Variants in ZNF101 observed in about 807,000 individuals in gnomAD.
ZNF101 encodes the protein zinc finger protein 101 (Y2).
A neutral mutation model predicts 42.6 loss-of-function variants in ZNF101; 34 were observed. That is an observed-to-expected ratio of 0.80 (90% CI 0.61 to 1.06). The LOEUF is 1.06. ZNF101 is among the 50% of genes least tolerant of loss of function. ZNF101 has a pLI of 0.00. For synonymous variants in ZNF101, 158 were observed against 183.9 expected, an observed-to-expected ratio of 0.86 and a Z score of 1.14; for missense variants, 466 against 530.9, an observed-to-expected ratio of 0.88 and a Z score of 1.20.
intron 1 of ZNF101, among the ~76,000 whole-genome samples, chr19:19,673,101 C>G (rs1056748277): frequency 6.6e-6 from 1 of 151,884 alleles, no homozygotes; most frequent in Non-Finnish European, 1.5e-5. Flanking sequence ...CATGCCACCA[C>G]GCCTGGCTAA....
intron 1 of ZNF101, among the ~76,000 whole-genome samples, chr19:19,674,219 C>T (rs530335531): frequency 6.6e-6 from 1 of 152,156 alleles, no homozygotes; most frequent in South Asian, 2.1e-4. Context: ...CTCTGTTGCC[C>T]AGACTGGAGT....
intron 1 of ZNF101, among the ~76,000 whole-genome samples, chr19:19,674,743 T>G (rs2062191660): frequency 6.6e-6 from 1 of 152,214 alleles, no homozygotes; most frequent in African/African-American, 2.4e-5. Flanking sequence ...ATAGCAATTC[T>G]TTTTTAAATT....
intron 1 of ZNF101, among the ~76,000 whole-genome samples, chr19:19,674,254 G>A (rs1184693095): frequency 2.0e-5 from 3 of 152,122 alleles, no homozygotes; most frequent in Admixed American, 2.0e-4. Flanking sequence ...TCAGCTCACT[G>A]CAACCTCTGC....
At chr19:19,674,409 C>G (rs900453876) in intron 1 of ZNF101, among the ~76,000 whole-genome samples, 1 of 152,156 alleles carries the variant, frequency 6.6e-6, no homozygotes, top group Non-Finnish European at 1.5e-5. Context: ...CTTCTCACCT[C>G]AAGTGATCTA....
intron 1 of ZNF101, among the ~76,000 whole-genome samples, chr19:19,675,233 G>T (rs551962486): frequency 2.6e-5 from 4 of 152,238 alleles, no homozygotes; most frequent in Non-Finnish European, 5.9e-5. Flanking sequence ...CGCCTCCCGG[G>T]TTCATGGGAT....
chr19:19,674,649 CT>C (rs2145050179), intron 1 of ZNF101, among the ~76,000 whole-genome samples: 1 of 152,044 alleles, frequency 6.6e-6, no homozygotes, highest in South Asian at 2.1e-4. Context: ...TAGTGTCTGT[CT>C]TTGGTGTCAG....
chr19:19,680,057 T>TA lies in ZNF101; in HGVS notation c.1075dup (p.Thr359AsnfsTer3), dbSNP rs769830038. The TA allele has an allele frequency of 6.2e-7, 1 of 1,613,818 alleles. No homozygotes were observed. The highest frequency in any genetic ancestry group is 2.2e-5 in the East Asian group (1 of 44,878). On this transcript the variant is annotated frameshift_variant, in exon 4 of 4. Transcript: ENST00000592502. LOFTEE classifies it high-confidence loss of function. The stretch of plus-strand genomic sequence containing the variant: ...ATTATCCCAGTTGTTTTCGAAGACA[T>TA]AAAAAAACTCATAGTGGAGAAAAGC...
At chr19:19,670,507 AGCACTTTGGGAG>A (rs2062161851) in intron 1 of ZNF101, among the ~76,000 whole-genome samples, 1 of 152,238 alleles carries the variant, frequency 6.6e-6, no homozygotes, top group Admixed American at 6.5e-5. Flanking sequence ...CTGTAATTCC[AGCACTTTGGGAG>A]GCTGGGGCGG....
At chr19:19,678,815 G>A (rs1268657129) in intron 3 of ZNF101, 29 bp downstream of exon 3, 4 of 1,571,212 alleles carry the variant, frequency 2.5e-6, no homozygotes, top group African/African-American at 1.4e-5. Context: ...AGGAAGCAGT[G>A]TCTCTTGAGG....
rs963288811 is a variant in ZNF101 at position 19,681,804 on chromosome 19, T to C, written c.*1504T>C. On this transcript the variant is annotated 3_prime_UTR_variant, in exon 4 of 4. Transcript: ENST00000592502. The stretch of plus-strand genomic sequence containing the variant: ...AAAGAAATCCTATAAACGTAAGTAA[T>C]TTTGAAAGCCTGATGCAAATTAATT... The C allele has an allele frequency of 6.6e-6, 1 of 152,078 alleles. No homozygotes were observed. The highest frequency in any genetic ancestry group is 1.5e-5 in the Non-Finnish European group (1 of 68,020). The allele number at this position is 152,078 out of a possible 1,614,324, so 9.4% of individuals were successfully genotyped here.
rs2062242161 is a variant in ZNF101 at position 19,681,932 on chromosome 19, T to TC, written c.*1632_*1633insC. ...CATTCTTTTTTCTTTCTTTTTTTTT[T>TC]TTTTTTTTGAGATGGAGTTTTGCCC... On this transcript the variant is annotated 3_prime_UTR_variant, in exon 4 of 4. Coordinates refer to ENST00000592502, the MANE Select transcript of ZNF101 (RefSeq NM_033204.4). 2 of 149,268 alleles carry TC rather than the reference T, an allele frequency of 1.3e-5. No homozygotes were observed. Among genetic ancestry groups the TC allele is most frequent in the African/African-American group, 4.9e-5 (2 of 40,812 alleles). 9.2% of individuals were successfully genotyped at this position (149,268 alleles called of 1,614,324 possible).
chr19:19,676,534 A>G (rs2062203911), intron 1 of ZNF101: 1 of 152,164 alleles, frequency 6.6e-6, no homozygotes, highest in South Asian at 2.1e-4. Context: ...TCCACCTGCT[A>G]TTCAGAAGGC....
At position 19,683,199 on chromosome 19, in the gene ZNF101, T is replaced by C. The variant is rs1043622411; in HGVS notation, c.*2899T>C. On this transcript the variant is annotated 3_prime_UTR_variant, in exon 4 of 4. Transcript: ENST00000592502. ...ATATGTATTCCACTTTCCTTTATTA[T>C]GGGGAAAACTACTCTTTTTGGCATG... 1.3e-5 allele frequency: 2 copies of C among 152,194 alleles called. No homozygotes were observed. Among genetic ancestry groups the C allele is most frequent in the African/African-American group, 4.8e-5 (2 of 41,464 alleles). 9.4% of individuals were successfully genotyped at this position (152,194 alleles called of 1,614,324 possible). A position where few individuals can be genotyped will look rare whatever the true frequency, so the allele number is the denominator to read the frequency against.
At chr19:19,668,501 T>G, upstream of ZNF101, among the ~76,000 whole-genome samples, 1 of 149,026 alleles carries the variant, frequency 6.7e-6, no homozygotes, top group African/African-American at 2.5e-5. Context: ...CCGGGGGGAG[T>G]TGTGTGGCGG....
upstream of ZNF101, chr19:19,668,827 C>A: frequency 8.6e-7 from 1 of 1,165,384 alleles, no homozygotes; most frequent in Non-Finnish European, 1.2e-6. Context: ...TCTCATTTCC[C>A]GCCGGCCCCC....
intron 1 of ZNF101, among the ~76,000 whole-genome samples, chr19:19,669,617 C>T (rs2145040762): frequency 6.6e-6 from 1 of 152,272 alleles, no homozygotes; most frequent in Non-Finnish European, 1.5e-5. Flanking sequence ...CCTCAGCCTC[C>T]TGAGTAGCTG....
chr19:19,668,999 G>A, intron 1 of ZNF101, 33 bp downstream of exon 1: 1 of 1,575,308 alleles, frequency 6.3e-7, no homozygotes, highest in Non-Finnish European at 8.6e-7. Context: ...CCGGAGACCT[G>A]AGGAGGAGCT....
In ZNF101 at chr19:19,680,365, C is replaced by A; in HGVS notation, c.*65C>A. On this transcript the variant is annotated 3_prime_UTR_variant, in exon 4 of 4. Transcript: ENST00000592502. The stretch of plus-strand genomic sequence containing the variant: ...GGTACGGTGGCTCACGCTTGTAATC[C>A]CAGCACTTTGGGAGGCTGAGGCGGG... 2.1e-6 allele frequency: 2 copies of A among 933,006 alleles called. No homozygotes were observed. Among genetic ancestry groups the A allele is most frequent in the Non-Finnish European group, 3.0e-6 (2 of 663,882 alleles). 57.8% of individuals were successfully genotyped at this position (933,006 alleles called of 1,614,324 possible).
In ZNF101 at chr19:19,675,548, G is replaced by A. The variant is rs149305383; in HGVS notation, c.4-2316G>A. On this transcript the variant is annotated intron_variant, in intron 1 of 3. Transcript: ENST00000592502. ...TGTGTATGTGTAGACATTTGTCCACGTAATCAGTTATATAATTTACTGAAG... is the reference window on the plus strand; with the variant it reads ...TGTGTATGTGTAGACATTTGTCCACATAATCAGTTATATAATTTACTGAAG... 1.1e-4 allele frequency among the ~76,000 whole-genome samples: 16 copies of A among 152,110 alleles called. No individual in the cohort carries two copies. The East Asian group carries it at 2.5e-3, about 24-fold the overall frequency.
Sources: gnomAD v4.1 joint callset for allele counts (sites outside exome capture counted in the v4.1 genomes callset) on GRCh38, gnomAD v4.1.1 for gene constraint, MANE v1.5 for transcripts, NCBI Gene and HGNC (gene_info 2026-07-23, HGNC 2026-07-21) for gene names.